Variants in MTUS2 observed in about 807,000 individuals in gnomAD.
MTUS2 encodes the protein microtubule associated scaffold protein 2.
In MTUS2, 40 loss-of-function variants were observed where a neutral mutation model predicts 114.1. The ratio of observed to expected loss-of-function variants is 0.35; its 90% CI spans 0.27 to 0.46. The LOEUF is 0.46. Among genes scored for constraint, MTUS2 ranks in the 20% least tolerant of loss-of-function variants. MTUS2 has a pLI of 1.00. For missense variants in MTUS2, 1,679 were observed against 1,705.4 expected (o/e 0.98, Z 0.27); for synonymous variants, 688 against 672.0 (o/e 1.02, Z -0.37).
chr13:29,311,879 G>A (rs1235191529), intron 6 of MTUS2, among the ~76,000 whole-genome samples: 6 of 152,138 alleles, frequency 3.9e-5, no homozygotes, highest in African/African-American at 1.4e-4. Flanking sequence ...TCACTGGAGG[G>A]AAACTTAGTA....
At position 29,070,634 on chromosome 13, in the gene MTUS2, C is replaced by CAG. The variant is rs377456748; in HGVS notation, c.2447-30126_2447-30125dup. 1.3e-4 allele frequency among the ~76,000 whole-genome samples: 20 copies of CAG among 150,892 alleles called. 1 individual carries two copies. Among genetic ancestry groups the CAG allele is most frequent in the African/African-American group, 4.9e-4 (20 of 41,200 alleles). ...TGTATATGCTCGTGAGAATGTGTGT[C>CAG]AGAGAGAGAGAGAGGTTTATGTTGC... is the stretch of plus-strand genomic sequence containing the variant. On this transcript the variant is annotated intron_variant, in intron 4 of 15. Coordinates refer to ENST00000612955, the MANE Select transcript of MTUS2 (RefSeq NM_001033602.4).
intron 10 of MTUS2, among the ~76,000 whole-genome samples, chr13:29,483,758 A>G (rs11842476): frequency 0.077 from 11,695 of 152,280 alleles, 1,210 homozygotes; most frequent in African/African-American, 0.24. Flanking sequence ...GGTGTTTAAC[A>G]TGTGAAAGCC....
At chr13:29,243,449 A>T (rs1365316475) in intron 5 of MTUS2, among the ~76,000 whole-genome samples, 1 of 152,192 alleles carries the variant, frequency 6.6e-6, no homozygotes, top group Non-Finnish European at 1.5e-5. Context: ...GCGAATGTGG[A>T]GGCTATTGAT....
intron 8 of MTUS2, among the ~76,000 whole-genome samples, chr13:29,363,298 G>A (rs1432985427): frequency 6.6e-6 from 1 of 152,100 alleles, no homozygotes; most frequent in African/African-American, 2.4e-5. Context: ...CTTTTAATAA[G>A]ATTTATTATA....
intron 9 of MTUS2, among the ~76,000 whole-genome samples, chr13:29,477,220 G>A (rs1208485807): frequency 6.6e-6 from 1 of 152,174 alleles, no homozygotes; most frequent in Non-Finnish European, 1.5e-5. Flanking sequence ...ATTTGACTTT[G>A]TGTCAATCTG....
chr13:29,337,597 A>T, intron 7 of MTUS2, among the ~76,000 whole-genome samples: 1 of 100,114 alleles, frequency 1.0e-5, no homozygotes, highest in African/African-American at 3.3e-5. Flanking sequence ...TTTATTTTTT[A>T]TTTTTCTATT....
In MTUS2 at chr13:29,185,761, G is replaced by A. The variant is rs115562768; in HGVS notation, c.2644+84791G>A. Among the ~76,000 whole-genome samples the A allele has an allele frequency of 8.3e-3, 1,269 of 152,152 alleles. 6 individuals are homozygous for A. The highest frequency in any genetic ancestry group is 0.012 in the South Asian group (58 of 4,830). On this transcript the variant is annotated intron_variant, in intron 5 of 15. Coordinates refer to ENST00000612955, the MANE Select transcript of MTUS2 (RefSeq NM_001033602.4). ...GAAATCTGTCACTATCAGATATTTC[G>A]TACAAGAAATATTAAAAATAATCCT...
rs150192358 is a variant in MTUS2 at position 29,137,397 on chromosome 13, A to C, written c.2644+36427A>C. Among the ~76,000 whole-genome samples the C allele has an allele frequency of 5.9e-3, 898 of 151,206 alleles. 38 individuals carry two copies. The highest frequency in any genetic ancestry group is 0.053 in the Admixed American group (810 of 15,200). On this transcript the variant is annotated intron_variant, in intron 5 of 15. Coordinates refer to ENST00000612955, the MANE Select transcript of MTUS2 (RefSeq NM_001033602.4). Reference sequence around the variant, plus strand: ...TTGGATGTTTATATTCATGTTTTTCACCAAATGGGGATTTTTGGCCATTAT... The same window carrying C: ...TTGGATGTTTATATTCATGTTTTTCCCCAAATGGGGATTTTTGGCCATTAT...
intron 6 of MTUS2, among the ~76,000 whole-genome samples, chr13:29,290,526 T>G (rs1255230644): frequency 2.0e-5 from 3 of 151,934 alleles, no homozygotes; most frequent in Non-Finnish European, 4.4e-5. Context: ...GAGACAGGGT[T>G]TCACCGCATT....
intron 8 of MTUS2, among the ~76,000 whole-genome samples, chr13:29,389,355 A>ACACGTGTGTATG (rs1566172568): frequency 4.8e-5 from 4 of 82,666 alleles, no homozygotes; most frequent in South Asian, 4.3e-4. Flanking sequence ...GTGTGTGTAT[A>ACACGTGTGTATG]TATGTATGCA....
Position 29,341,250 on chromosome 13 carries a change from T to C in MTUS2, c.2905+16539T>C, listed in dbSNP as rs557000024. Among the ~76,000 whole-genome samples the C allele has an allele frequency of 5.6e-3, 850 of 152,122 alleles. 2 individuals are homozygous for C. Among genetic ancestry groups the C allele is most frequent in the Non-Finnish European group, 9.3e-3 (631 of 68,012 alleles). ...CACTGTTTTCCATAGTGGTTTGTAC[T>C]AGTTTACATTCCCACCAGCAGTATA... On this transcript the variant is annotated intron_variant, in intron 7 of 15. Coordinates refer to ENST00000612955, the MANE Select transcript of MTUS2 (RefSeq NM_001033602.4).
At chr13:29,000,717 T>C (rs1397950203) in intron 2 of MTUS2, among the ~76,000 whole-genome samples, 1 of 152,184 alleles carries the variant, frequency 6.6e-6, no homozygotes, top group Non-Finnish European at 1.5e-5. Flanking sequence ...TTCACTTAAG[T>C]TAGGACCTGG....
chr13:29,131,728 A>G (rs1363601500), intron 5 of MTUS2, among the ~76,000 whole-genome samples: 1 of 152,250 alleles, frequency 6.6e-6, no homozygotes, highest in Non-Finnish European at 1.5e-5. Flanking sequence ...TGGCTTAGCC[A>G]TCCCTCTAGA....
chr13:29,291,271 C>A (rs1898702311), intron 6 of MTUS2, among the ~76,000 whole-genome samples: 1 of 152,160 alleles, frequency 6.6e-6, no homozygotes, highest in South Asian at 2.1e-4. Context: ...TCCTCCAGGG[C>A]CCACAGTGAG....
chr13:29,318,249 T>A (rs1333477198), intron 6 of MTUS2, among the ~76,000 whole-genome samples: 1 of 151,080 alleles, frequency 6.6e-6, no homozygotes, highest in African/African-American at 2.5e-5. Context: ...CCTATAAAAA[T>A]GTTTTAGGTT....
At chr13:29,126,934 A>T (rs1261574384) in intron 5 of MTUS2, among the ~76,000 whole-genome samples, 4 of 152,200 alleles carry the variant, frequency 2.6e-5, no homozygotes, top group Non-Finnish European at 5.9e-5. Context: ...CATGTAAAGC[A>T]CACTGGACAG....
At chr13:29,265,809 G>A (rs1036463939) in intron 5 of MTUS2, among the ~76,000 whole-genome samples, 3 of 152,190 alleles carry the variant, frequency 2.0e-5, no homozygotes, top group Non-Finnish European at 2.9e-5. Flanking sequence ...CCATTCATGA[G>A]GAATCCACTG....
intron 2 of MTUS2, among the ~76,000 whole-genome samples, chr13:28,851,750 C>T (rs370870881): frequency 2.9e-5 from 3 of 103,288 alleles, no homozygotes; most frequent in East Asian, 4.7e-4. Context: ...GTGAGGATCC[C>T]CGAAGTGTCA....
At chr13:29,156,380 CTA>C (rs1334269796) in intron 5 of MTUS2, among the ~76,000 whole-genome samples, 2 of 151,992 alleles carry the variant, frequency 1.3e-5, no homozygotes, top group Non-Finnish European at 2.9e-5. Flanking sequence ...ATAGCTTTAT[CTA>C]TATTGGTTTT....
Sources: allele counts gnomAD v4.1 joint callset (sites outside exome capture counted in the v4.1 genomes callset), GRCh38; gene constraint gnomAD v4.1.1; transcripts MANE v1.5; gene names NCBI Gene and HGNC (gene_info 2026-07-23, HGNC 2026-07-21).